UBE2L3: variants seen among roughly 807,000 people sequenced by gnomAD.
The protein encoded by UBE2L3 is ubiquitin conjugating enzyme E2 L3, also known as ubiquitin-conjugating enzyme E2 L3.
In UBE2L3, 1 loss-of-function variant was observed where a neutral mutation model predicts 17.8. That is an observed-to-expected ratio of 0.06 (90% confidence interval 0.02 to 0.27). UBE2L3 has a LOEUF of 0.27. UBE2L3 is among the 10% of genes least tolerant of loss of function. UBE2L3 has a pLI of 1.00. For missense variants in UBE2L3, 40 were observed against 192.6 expected (o/e 0.21, Z 4.69); for synonymous variants, 44 against 68.5 (o/e 0.64, Z 1.76).
Position 21,598,195 on chromosome 22 carries a change from A to ATG in UBE2L3, c.123+5253_123+5254dup, listed in dbSNP as rs371127802. On this transcript the variant is annotated intron_variant, in intron 2 of 3. Coordinates refer to ENST00000342192, the MANE Select transcript of UBE2L3 (RefSeq NM_003347.4). ...GATCTCTTCAAGGAAGGTTTCATTA[A>ATG]TGTGTGTGTGTGTGTTTTTCATTTA... Among the ~76,000 whole-genome samples the ATG allele has an allele frequency of 2.8e-4, 42 of 148,512 alleles. No individual in the cohort carries two copies. In the South Asian group the frequency reaches 3.3e-3, roughly 12 times the overall value.
At chr22:21,609,842 A>G (rs895591486) in intron 2 of UBE2L3, among the ~76,000 whole-genome samples, 1 of 152,148 alleles carries the variant, frequency 6.6e-6, no homozygotes, top group African/African-American at 2.4e-5. Context: ...CCTGGCCAAC[A>G]TGGTGAAACC....
At chr22:21,599,914 T>C (rs1928765149) in intron 2 of UBE2L3, among the ~76,000 whole-genome samples, 1 of 152,250 alleles carries the variant, frequency 6.6e-6, no homozygotes, top group Non-Finnish European at 1.5e-5. Context: ...AGGAATGGTC[T>C]TTGTCAAATT....
upstream of UBE2L3, among the ~76,000 whole-genome samples, chr22:21,567,048 G>A (rs908892265): frequency 6.6e-6 from 1 of 152,162 alleles, no homozygotes; most frequent in Admixed American, 6.5e-5. Context: ...GCACTTAGTA[G>A]GGCCATTTCC....
intron 3 of UBE2L3, among the ~76,000 whole-genome samples, chr22:21,615,016 G>T (rs570834862): frequency 1.3e-5 from 2 of 152,004 alleles, no homozygotes; most frequent in Admixed American, 6.5e-5. Flanking sequence ...TTAGCTGGGT[G>T]TGGTGGCGGG....
At chr22:21,551,973 A>C (rs1357386297) in intron 1 of UBE2L3, among the ~76,000 whole-genome samples, 7 of 122,622 alleles carry the variant, frequency 5.7e-5, no homozygotes, top group Non-Finnish European at 1.0e-4. Flanking sequence ...ACATACATAC[A>C]CACACTGAAC....
At chr22:21,582,553 T>G (rs1927701833) in intron 1 of UBE2L3, among the ~76,000 whole-genome samples, 1 of 151,670 alleles carries the variant, frequency 6.6e-6, no homozygotes. Flanking sequence ...GAGCCGGAGT[T>G]TCACTATTGT....
chr22:21,578,886 C>A (rs1004242280), intron 1 of UBE2L3, among the ~76,000 whole-genome samples: 1 of 152,036 alleles, frequency 6.6e-6, no homozygotes, highest in African/African-American at 2.4e-5. Context: ...TAGTGTTGTG[C>A]CTTTGAGCCT....
rs1176597870 is a variant in UBE2L3, at chr22:21,622,233, A to C, written c.*564A>C. 6.5e-6 allele frequency: 1 copy of C among 152,964 alleles called. No individual in the cohort carries two copies. The highest frequency in any genetic ancestry group is 1.9e-4 in the East Asian group (1 of 5,332). 9.5% of individuals were successfully genotyped at this position (152,964 alleles called of 1,614,324 possible). On this transcript the variant is annotated 3_prime_UTR_variant, in exon 4 of 4. Coordinates refer to ENST00000342192, the MANE Select transcript of UBE2L3 (RefSeq NM_003347.4). ...TTTATAACATCCTTTTAAAAAATTT[A>C]AAAACAAACAGCCACACCCCTCCTC...
intron 1 of UBE2L3, among the ~76,000 whole-genome samples, chr22:21,559,191 C>T (rs1926343090): frequency 6.6e-6 from 1 of 152,158 alleles, no homozygotes; most frequent in Admixed American, 6.5e-5. Context: ...TACTAAAAAA[C>T]ACAAAAATTA....
intron 1 of UBE2L3, among the ~76,000 whole-genome samples, chr22:21,587,432 G>A (rs1243224996): frequency 6.6e-6 from 1 of 152,152 alleles, no homozygotes; most frequent in Non-Finnish European, 1.5e-5. Flanking sequence ...ACCCGCCTTG[G>A]CCTCCCAAAG....
chr22:21,581,521 G>A (rs1159345372), intron 1 of UBE2L3, among the ~76,000 whole-genome samples: 2 of 152,122 alleles, frequency 1.3e-5, no homozygotes, highest in Admixed American at 6.6e-5. Flanking sequence ...AAACCTTCAG[G>A]CTGGGCACGG....
At chr22:21,607,832 A>C (rs1233843280) in intron 2 of UBE2L3, among the ~76,000 whole-genome samples, 2 of 152,190 alleles carry the variant, frequency 1.3e-5, no homozygotes, top group African/African-American at 2.4e-5. Context: ...TGACCAGCTC[A>C]GGTCCCCAGG....
intron 1 of UBE2L3, among the ~76,000 whole-genome samples, chr22:21,572,340 C>T (rs953209817): frequency 7.0e-6 from 1 of 143,096 alleles, no homozygotes; most frequent in African/African-American, 2.6e-5. Context: ...GAGGCTGAGG[C>T]AGGAGAATTG....
chr22:21,599,541 A>C (rs1362954929), intron 2 of UBE2L3, among the ~76,000 whole-genome samples: 4 of 152,078 alleles, frequency 2.6e-5, no homozygotes, highest in South Asian at 2.1e-4. Flanking sequence ...CCTGCAAGGC[A>C]CTTAAGACCA....
intron 3 of UBE2L3, among the ~76,000 whole-genome samples, chr22:21,611,498 C>T (rs1385968405): frequency 6.6e-6 from 1 of 152,126 alleles, no homozygotes; most frequent in African/African-American, 2.4e-5. Context: ...TGGGCTAGAG[C>T]CTAGTTGCTC....
chr22:21,570,107 A>G (rs1371305548), intron 1 of UBE2L3, among the ~76,000 whole-genome samples: 1 of 151,970 alleles, frequency 6.6e-6, no homozygotes, highest in Non-Finnish European at 1.5e-5. Flanking sequence ...CTTTCTTTAT[A>G]TTTCTCTTTG....
chr22:21,563,281 G>T (rs1295527895), upstream of UBE2L3, among the ~76,000 whole-genome samples: 2 of 148,226 alleles, frequency 1.3e-5, no homozygotes, highest in African/African-American at 5.0e-5. Flanking sequence ...GCCGGGTGTG[G>T]TGGCTCACGC....
intron 2 of UBE2L3, among the ~76,000 whole-genome samples, chr22:21,602,643 A>G (rs1010386308): frequency 1.3e-5 from 2 of 152,232 alleles, no homozygotes; most frequent in Non-Finnish European, 2.9e-5. Context: ...TCGGTGCCAT[A>G]TGGCAAAGAG....
chr22:21,574,860 G>T, intron 1 of UBE2L3, among the ~76,000 whole-genome samples: 1 of 152,182 alleles, frequency 6.6e-6, no homozygotes, highest in East Asian at 1.9e-4. Flanking sequence ...AGCTACTAGG[G>T]AGGGGGAGGC....
Sources: allele counts gnomAD v4.1 joint callset (sites outside exome capture counted in the v4.1 genomes callset), GRCh38; gene constraint gnomAD v4.1.1; transcripts MANE v1.5; gene names NCBI Gene and HGNC (gene_info 2026-07-23, HGNC 2026-07-21).